The following TAB2 variants were observed in gnomAD, a reference collection of about 807,000 sequenced individuals.
TAB2 encodes TGF-beta-activated kinase 1 and MAP3K7-binding protein 2.
Under a neutral mutation model 65.0 loss-of-function variants are expected in TAB2, and 3 were observed. The observed-to-expected ratio is 0.05, with a 90% CI of 0.02 to 0.12. The LOEUF (loss-of-function observed/expected upper bound fraction) is 0.12. Among genes scored for constraint, TAB2 ranks in the 10% least tolerant of loss-of-function variants. The pLI is 1.00. For missense variants in TAB2, 623 were observed against 840.3 expected (o/e 0.74, Z 3.20); for synonymous variants, 298 against 285.1 (o/e 1.05, Z -0.46).
At chr6:149,265,935 G>A (rs568367238) in intron 1 of TAB2, among the ~76,000 whole-genome samples, 2 of 152,288 alleles carry the variant, frequency 1.3e-5, no homozygotes, top group African/African-American at 4.8e-5. Context: ...TTTTGTCAGC[G>A]TTCCACTTAA....
chr6:149,252,400 CAAA>C (rs10700931), intron 1 of TAB2, among the ~76,000 whole-genome samples: 18 of 92,832 alleles, frequency 1.9e-4, no homozygotes, highest in Admixed American at 3.1e-4. Flanking sequence ...AACTCTGCCT[CAAA>C]AAAAAAAAAA....
intron 3 of TAB2, among the ~76,000 whole-genome samples, 181 bp downstream of exon 3, chr6:149,379,699 A>T (rs1781547286): frequency 6.6e-6 from 1 of 152,046 alleles, no homozygotes; most frequent in Admixed American, 6.5e-5. Context: ...ATTTTATTTT[A>T]TTATTATAAA....
intron 1 of TAB2, among the ~76,000 whole-genome samples, chr6:149,230,502 G>T (rs557384715): frequency 1.3e-4 from 20 of 152,300 alleles, no homozygotes; most frequent in African/African-American, 4.8e-4. Flanking sequence ...AAACTGATTT[G>T]GTCCAACTTA....
intron 1 of TAB2, among the ~76,000 whole-genome samples, chr6:149,295,959 A>G (rs909817290): frequency 6.6e-6 from 1 of 152,174 alleles, no homozygotes; most frequent in African/African-American, 2.4e-5. Flanking sequence ...TTTAGTAGAA[A>G]TGGGGTTTCA....
rs1490716055 is a variant in TAB2 at position 149,357,419 on chromosome 6, G to GAAAAAAAA, written c.-89-12489_-89-12488insAAAAAAAA. On this transcript the variant is annotated intron_variant, in intron 1 of 6. Coordinates refer to ENST00000637181, the MANE Select transcript of TAB2 (RefSeq NM_001292034.3). ...CAATAGAGGGAGACTCCGTCTCAAG[G>GAAAAAAAA]AGAAAAAAAAAACACACACACACAC... Among the ~76,000 whole-genome samples the GAAAAAAAA allele has an allele frequency of 1.5e-4, 14 of 91,886 alleles. No homozygotes were observed. The South Asian group carries it at 3.8e-3, about 25-fold the overall frequency. The allele number at this position is 91,886 out of a possible 152,430, so 60.3% of individuals were successfully genotyped here. A position where few individuals can be genotyped will look rare whatever the true frequency, so the allele number is the denominator to read the frequency against.
rs930140912 is a variant in TAB2, at chr6:149,388,794, T to G, written c.1604-8810T>G. ...AAAATGCCTATTCTTTCTACTTTGT[T>G]ACTACCTTTTAGTTAGTCAATAAAA... On this transcript the variant is annotated intron_variant, in intron 3 of 6. Transcript: ENST00000637181. 4.6e-5 allele frequency among the ~76,000 whole-genome samples: 7 copies of G among 152,306 alleles called. No homozygotes were observed. In the East Asian group the frequency reaches 1.3e-3, roughly 29 times the overall value.
At chr6:149,222,060 G>T (rs1777159481) in intron 1 of TAB2, among the ~76,000 whole-genome samples, 1 of 152,086 alleles carries the variant, frequency 6.6e-6, no homozygotes, top group South Asian at 2.1e-4. Context: ...GGCCCGAATG[G>T]AACAAAAAGG....
At chr6:149,285,906 G>A (rs1778668843) in intron 1 of TAB2, among the ~76,000 whole-genome samples, 1 of 152,142 alleles carries the variant, frequency 6.6e-6, no homozygotes, top group African/African-American at 2.4e-5. Context: ...CAAGTTCCCA[G>A]GTGATGCATC....
intron 1 of TAB2, among the ~76,000 whole-genome samples, chr6:149,232,269 C>G (rs972185842): frequency 6.6e-6 from 1 of 152,102 alleles, no homozygotes; most frequent in Non-Finnish European, 1.5e-5. Context: ...GCTCTGTCGC[C>G]CAAGCTGGAG....
chr6:149,307,203 T>C (rs1353903041), intron 1 of TAB2, among the ~76,000 whole-genome samples: 1 of 151,402 alleles, frequency 6.6e-6, no homozygotes, highest in Non-Finnish European at 1.5e-5. Flanking sequence ...CTGGGTTGAA[T>C]TGGGAAATTT....
intron 1 of TAB2, among the ~76,000 whole-genome samples, chr6:149,337,822 G>A (rs1437930104): frequency 6.6e-6 from 1 of 152,086 alleles, no homozygotes; most frequent in Non-Finnish European, 1.5e-5. Context: ...CTAAGCAGTG[G>A]GTCTGGTCAT....
intron 6 of TAB2, among the ~76,000 whole-genome samples, chr6:149,402,432 T>C (rs879901999): frequency 7.2e-5 from 11 of 151,844 alleles, no homozygotes; most frequent in Non-Finnish European, 1.3e-4. Flanking sequence ...AATAAGGAGA[T>C]TGAATCAGTA....
chr6:149,244,052 A>G (rs1400799468), intron 1 of TAB2: 1 of 152,260 alleles, frequency 6.6e-6, no homozygotes, highest in Non-Finnish European at 1.5e-5. Context: ...AAAGAAGCAC[A>G]TAACTTCAGT....
chr6:149,381,951 ACCC>A (rs1781625413), intron 3 of TAB2, among the ~76,000 whole-genome samples: 1 of 152,108 alleles, frequency 6.6e-6, no homozygotes, highest in African/African-American at 2.4e-5. Context: ...GCAGTGACCT[ACCC>A]ATTCTCGTCC....
chr6:149,248,262 G>C (rs2114650683), intron 1 of TAB2, among the ~76,000 whole-genome samples: 1 of 152,086 alleles, frequency 6.6e-6, no homozygotes, highest in Admixed American at 6.5e-5. Flanking sequence ...CGTGGTGGCA[G>C]GCGCCTGTAA....
chr6:149,307,863 A>G (rs1374620643), intron 1 of TAB2, among the ~76,000 whole-genome samples: 1 of 152,196 alleles, frequency 6.6e-6, no homozygotes, highest in East Asian at 1.9e-4. Flanking sequence ...TCCTAATTTT[A>G]CCACCCCAAA....
chr6:149,238,697 G>A (rs2114640158), intron 1 of TAB2, among the ~76,000 whole-genome samples: 1 of 152,340 alleles, frequency 6.6e-6, no homozygotes, highest in Non-Finnish European at 1.5e-5. Context: ...ATCACTGTGA[G>A]ACCTGAAGAG....
In TAB2 at chr6:149,410,201, C is replaced by G. The variant is rs377394512; in HGVS notation, c.*482C>G. On this transcript the variant is annotated 3_prime_UTR_variant, in exon 7 of 7. Coordinates refer to ENST00000637181, the MANE Select transcript of TAB2 (RefSeq NM_001292034.3). The stretch of plus-strand genomic sequence containing the variant: ...CATAGTGCCATTGGATAGGGAAGAA[C>G]TTCAGAAATCTGTGGTACTCTTGGC... 5.8e-6 allele frequency: 1 copy of G among 172,418 alleles called. No individual in the cohort carries two copies. Among genetic ancestry groups the G allele is most frequent in the African/African-American group, 2.4e-5 (1 of 41,694 alleles). 10.7% of individuals were successfully genotyped at this position (172,418 alleles called of 1,614,324 possible). A position where few individuals can be genotyped will look rare whatever the true frequency, so the allele number is the denominator to read the frequency against.
At position 149,248,560 on chromosome 6, in the gene TAB2, T is replaced by G. The variant is rs1484182490; in HGVS notation, c.-121+29784T>G. 2.0e-5 allele frequency among the ~76,000 whole-genome samples: 3 copies of G among 151,968 alleles called. No homozygotes were observed. In the East Asian group the frequency reaches 5.8e-4, roughly 29 times the overall value. On this transcript the variant is annotated intron_variant, in intron 1 of 1. Coordinates refer to the TAB2 transcript ENST00000606202. ...GAGTTCAGTGAAAATTGTTCACATC[T>G]GAGTCTCCCCACTGGCCAGCACACT...
Sources: gnomAD v4.1 joint callset for allele counts (sites outside exome capture counted in the v4.1 genomes callset) on GRCh38, gnomAD v4.1.1 for gene constraint, MANE v1.5 for transcripts, NCBI Gene and HGNC (gene_info 2026-07-23, HGNC 2026-07-21) for gene names.